The following RUFY4 variants were observed in gnomAD, a reference collection of about 807,000 sequenced individuals.
RUFY4 encodes the protein RUN and FYVE domain-containing protein 4.
In RUFY4, 73 loss-of-function variants were observed where a neutral mutation model predicts 69.0. The observed-to-expected ratio is 1.06, with a 90% CI of 0.88 to 1.29. RUFY4 has a LOEUF of 1.29. Among genes scored for constraint, RUFY4 ranks in the 50% most tolerant of loss-of-function variants. RUFY4 has a pLI of 0.00. For missense variants in RUFY4, 770 were observed against 705.6 expected, an observed-to-expected ratio of 1.09 and a Z score of -1.03; for synonymous variants, 287 against 271.8, an observed-to-expected ratio of 1.06 and a Z score of -0.55.
chr2:218,041,033 C>A (rs1251570307), intron 2 of RUFY4, among the ~76,000 whole-genome samples: 1 of 151,166 alleles, frequency 6.6e-6, no homozygotes, highest in Non-Finnish European at 1.5e-5. Context: ...TCTAGAGAAC[C>A]ATCTGAAAGG....
chr2:218,081,091 TCC>T (rs1689750964), intron 8 of RUFY4, among the ~76,000 whole-genome samples: 1 of 152,206 alleles, frequency 6.6e-6, no homozygotes, highest in Non-Finnish European at 1.5e-5. Context: ...TGCTTCCATG[TCC>T]CCTCGTGTGC....
At chr2:218,062,660 G>A (rs1456540738) in intron 3 of RUFY4, among the ~76,000 whole-genome samples, 1 of 152,146 alleles carries the variant, frequency 6.6e-6, no homozygotes, top group South Asian at 2.1e-4. Context: ...GCAGTGAGCC[G>A]AGATGGCACT....
At chr2:218,075,221 G>A (rs1476189709) in exon 7 of RUFY4, 2 of 1,563,276 alleles carry the variant, frequency 1.3e-6, no homozygotes, top group Admixed American at 1.9e-5. Flanking sequence ...AGCAACAAAG[G>A]CATCTTCCTT....
rs1442588817 is a variant in RUFY4, at chr2:218,089,957, G to A, written c.1619G>A (p.Cys540Tyr). 6.4e-7 allele frequency: 1 copy of A among 1,558,990 alleles called. No homozygotes were observed. The highest frequency in any genetic ancestry group is 8.7e-7 in the Non-Finnish European group (1 of 1,151,638). The change falls in exon 11 of 11, where the codon TGT becomes TAT. Residue 540 changes from cysteine to tyrosine, a missense_variant. Transcript: ENST00000344321. ...TTCCTGCCTCTGCCTTCCAGGCTCT[G>A]TGGAGGCCTGCTCTGCCATGCTTGC... is the stretch of plus-strand genomic sequence containing the variant.
At chr2:218,041,155 A>G (rs1011346324) in intron 2 of RUFY4, among the ~76,000 whole-genome samples, 1 of 152,120 alleles carries the variant, frequency 6.6e-6, no homozygotes. Flanking sequence ...ATACATTCAC[A>G]TTCATTGGAT....
chr2:218,075,506 G>A lies in RUFY4; in HGVS notation c.1014G>A (p.Glu338=), dbSNP rs1419325451. Residue 338 remains glutamate, a synonymous_variant, in exon 7 of 11, where the codon GAG becomes GAA. Transcript: ENST00000344321. ...AGGGGACTCACAAAAAGGAAGCAGAGTGGAGTCACGTCCAGAGGCTGCTGA... is the reference window on the plus strand; with the variant it reads ...AGGGGACTCACAAAAAGGAAGCAGAATGGAGTCACGTCCAGAGGCTGCTGA... 2.5e-6 allele frequency: 4 copies of A among 1,576,000 alleles called. No homozygotes were observed. In the South Asian group the frequency reaches 4.7e-5, roughly 19 times the overall value.
At position 218,051,990 on chromosome 2, in the gene RUFY4, T is replaced by C. The variant is rs368449413; in HGVS notation, c.-1157-6605T>C. On this transcript the variant is annotated intron_variant and NMD_transcript_variant, in intron 2 of 13. Coordinates refer to the RUFY4 transcript ENST00000457754. ...AGAAGTGCTGTCTTCCTCATTTAAA[T>C]TGATAATTTCCTTTCTCAAGGTAGA... Among the ~76,000 whole-genome samples the C allele has an allele frequency of 1.6e-3, 240 of 152,340 alleles. 7 individuals carry two copies. The South Asian group carries it at 0.045, about 29-fold the overall frequency.
In RUFY4 at chr2:218,039,442, G is replaced by A. The variant is rs369809714; in HGVS notation, c.-1158+4048G>A. 3.2e-4 allele frequency among the ~76,000 whole-genome samples: 48 copies of A among 152,312 alleles called. No homozygotes were observed. The South Asian group carries it at 8.7e-3, about 28-fold the overall frequency. ...TCTCCCATTATTTATTTCCACAACC[G>A]TTGATTGAGCACTTACTATAGTCCC... is the stretch of plus-strand genomic sequence containing the variant. On this transcript the variant is annotated intron_variant and NMD_transcript_variant, in intron 2 of 13. Coordinates refer to the RUFY4 transcript ENST00000457754.
intron 2 of RUFY4, among the ~76,000 whole-genome samples, chr2:218,041,654 G>T (rs1688699771): frequency 6.6e-6 from 1 of 152,136 alleles, no homozygotes; most frequent in Non-Finnish European, 1.5e-5. Flanking sequence ...CTGTTGGGAA[G>T]TCCCTATTAT....
At chr2:218,035,675 C>G (rs1173902712) in intron 2 of RUFY4, among the ~76,000 whole-genome samples, 89 of 152,192 alleles carry the variant, frequency 5.8e-4, no homozygotes, top group African/African-American at 4.8e-5. Context: ...GCCACCTGCT[C>G]TCAGGGCCAC....
chr2:218,078,806 T>C (rs1051070225), intron 8 of RUFY4, among the ~76,000 whole-genome samples: 1 of 152,154 alleles, frequency 6.6e-6, no homozygotes, highest in Non-Finnish European at 1.5e-5. Flanking sequence ...CAGTCCACTT[T>C]CTCTATAGAT....
At chr2:218,081,666 A>T (rs1203446619) in intron 8 of RUFY4, among the ~76,000 whole-genome samples, 2 of 152,206 alleles carry the variant, frequency 1.3e-5, no homozygotes, top group African/African-American at 4.8e-5. Context: ...AGGGCAAGTA[A>T]ACTGGCTCAG....
chr2:218,044,500 C>T (rs1251887302), intron 2 of RUFY4, among the ~76,000 whole-genome samples: 1 of 152,042 alleles, frequency 6.6e-6, no homozygotes, highest in Non-Finnish European at 1.5e-5. Context: ...AAACTTGTGT[C>T]ATGGGGGTTT....
upstream of RUFY4, chr2:218,070,352 G>A (rs1329621515): frequency 2.3e-5 from 13 of 561,224 alleles, no homozygotes; most frequent in East Asian, 3.4e-4. Context: ...GACATCAAGT[G>A]TTAGCACAGT....
chr2:218,056,358 G>A (rs373138399), intron 2 of RUFY4, among the ~76,000 whole-genome samples: 173 of 151,842 alleles, frequency 1.1e-3, no homozygotes, highest in African/African-American at 3.9e-3. Context: ...ATGCCTGCCA[G>A]AATAATCAGA....
At chr2:218,073,292 G>A (rs746101932) in exon 5 of RUFY4, 1 of 1,556,578 alleles carries the variant, frequency 6.4e-7, no homozygotes, top group Non-Finnish European at 8.7e-7. Flanking sequence ...ACGCCAAGAA[G>A]ACATCCTGGA....
intron 2 of RUFY4, among the ~76,000 whole-genome samples, chr2:218,058,037 A>G (rs1689100962): frequency 6.6e-6 from 1 of 152,238 alleles, no homozygotes; most frequent in African/African-American, 2.4e-5. Context: ...ATAATTCCTG[A>G]ATCAGAGATT....
At chr2:218,062,245 T>TA (rs1689213427) in intron 3 of RUFY4, among the ~76,000 whole-genome samples, 1 of 150,420 alleles carries the variant, frequency 6.6e-6, no homozygotes, top group African/African-American at 2.5e-5. Flanking sequence ...TAAAAATATT[T>TA]TAAAAAAAAA....
At chr2:218,065,727 A>G (rs1483648836), upstream of RUFY4, 1 of 152,400 alleles carries the variant, frequency 6.6e-6, no homozygotes, top group East Asian at 1.9e-4. Context: ...AGAGGGCTCT[A>G]CTAGTGGGGT....
Sources: gnomAD v4.1 joint callset for allele counts (sites outside exome capture counted in the v4.1 genomes callset) on GRCh38, gnomAD v4.1.1 for gene constraint, MANE v1.5 for transcripts, NCBI Gene and HGNC (gene_info 2026-07-23, HGNC 2026-07-21) for gene names.